Variants in SFMBT1 observed in about 807,000 individuals in gnomAD.
SFMBT1 encodes the protein scm-like with four MBT domains protein 1.
SFMBT1 carries 32 observed loss-of-function variants against 108.7 expected under a neutral mutation model. The observed-to-expected ratio is 0.29, with a 90% confidence interval of 0.22 to 0.40. The LOEUF is 0.40. Ranked by LOEUF, SFMBT1 falls within the 10% of genes least tolerant of loss-of-function variation. The pLI is 1.00. For synonymous variants in SFMBT1, 348 were observed against 369.5 expected, an observed-to-expected ratio of 0.94 and a Z score of 0.67; for missense variants, 816 against 1,059.6, an observed-to-expected ratio of 0.77 and a Z score of 3.19.
At chr3:52,976,967 C>T (rs1704540024) in intron 1 of SFMBT1, among the ~76,000 whole-genome samples, 1 of 152,126 alleles carries the variant, frequency 6.6e-6, no homozygotes, top group African/African-American at 2.4e-5. Context: ...TTCAGGAGCA[C>T]AAATGGATAT....
chr3:52,908,561 C>T (rs1702135427), intron 17 of SFMBT1, among the ~76,000 whole-genome samples: 1 of 152,048 alleles, frequency 6.6e-6, no homozygotes, highest in Admixed American at 6.6e-5. Context: ...TATTTCTGGA[C>T]CCTGTGGTCT....
Position 52,945,068 on chromosome 3 carries a change from T to C in SFMBT1, c.124-1475A>G, listed in dbSNP as rs1188261352. On this transcript the variant is annotated intron_variant, in intron 3 of 20. Transcript: ENST00000394752. Reference sequence around the variant, plus strand: ...ATCTGCCCATCTTGGCCTCCCAAAGTGCTGAGATTACAGTCATGAACCACT... The same window carrying C: ...ATCTGCCCATCTTGGCCTCCCAAAGCGCTGAGATTACAGTCATGAACCACT... Among the ~76,000 whole-genome samples, 13 of 145,260 alleles carry C rather than the reference T, an allele frequency of 8.9e-5. No individual in the cohort carries two copies. In the East Asian group the frequency reaches 2.2e-3, roughly 25 times the overall value.
intron 8 of SFMBT1, among the ~76,000 whole-genome samples, chr3:52,929,838 C>A (rs1380706760): frequency 6.6e-6 from 1 of 152,150 alleles, no homozygotes; most frequent in Non-Finnish European, 1.5e-5. Context: ...GCCTTGATAA[C>A]CTTACTTCTT....
chr3:52,979,377 T>A (rs1164666890), intron 1 of SFMBT1, among the ~76,000 whole-genome samples: 1 of 152,186 alleles, frequency 6.6e-6, no homozygotes, highest in Non-Finnish European at 1.5e-5. Flanking sequence ...TCCAAACAGG[T>A]GTTCCTAATC....
chr3:52,964,764 GGTA>G (rs1454060519), intron 2 of SFMBT1, among the ~76,000 whole-genome samples: 10 of 152,178 alleles, frequency 6.6e-5, no homozygotes, highest in African/African-American at 1.9e-4. Context: ...CTGTATCAAA[GGTA>G]CATGACGTCA....
intron 3 of SFMBT1, among the ~76,000 whole-genome samples, chr3:52,947,465 G>C (rs1365941534): frequency 6.6e-6 from 1 of 152,060 alleles, no homozygotes; most frequent in Non-Finnish European, 1.5e-5. Flanking sequence ...GTATCTTATT[G>C]TAATTTTAAT....
chr3:52,937,606 G>A (rs563980029), intron 4 of SFMBT1, among the ~76,000 whole-genome samples: 146 of 148,682 alleles, frequency 9.8e-4, no homozygotes, highest in African/African-American at 3.4e-3. Context: ...TTTTTGAGAC[G>A]GAGTCTTGCT....
In SFMBT1 at chr3:52,940,162, G is replaced by A. The variant is rs1034082795; in HGVS notation, c.364+3191C>T. 2.0e-5 allele frequency among the ~76,000 whole-genome samples: 3 copies of A among 152,242 alleles called. No individual in the cohort carries two copies. In the East Asian group the frequency reaches 5.8e-4, roughly 29 times the overall value. The stretch of plus-strand genomic sequence containing the variant: ...GTTAGGATGAGATGGTAGGCCAGGT[G>A]GCTTCATGTCTCTAGAGCTCTCTCT... On this transcript the variant is annotated intron_variant, in intron 4 of 20. Transcript: ENST00000394752.
intron 1 of SFMBT1, among the ~76,000 whole-genome samples, chr3:53,042,843 A>T (rs1700100685): frequency 6.6e-6 from 1 of 152,290 alleles, no homozygotes; most frequent in Non-Finnish European, 1.5e-5. Flanking sequence ...ATGTATCAAT[A>T]ATAGCTAAGT....
chr3:52,965,265 G>A (rs1056049395), intron 2 of SFMBT1, among the ~76,000 whole-genome samples: 17 of 150,902 alleles, frequency 1.1e-4, no homozygotes, highest in African/African-American at 4.1e-4. Flanking sequence ...AAGAAAGAAT[G>A]AGTAAAATTG....
intron 13 of SFMBT1, among the ~76,000 whole-genome samples, chr3:52,916,699 C>A (rs1213168249): frequency 0.013 from 1,936 of 146,752 alleles, 15 homozygotes; most frequent in Middle Eastern, 0.043. Context: ...ACAACAACAA[C>A]AACAACAAAA....
chr3:52,941,690 A>C (rs1344884298), intron 4 of SFMBT1, among the ~76,000 whole-genome samples: 1 of 151,328 alleles, frequency 6.6e-6, no homozygotes, highest in African/African-American at 2.4e-5. Flanking sequence ...TAAGACCAGC[A>C]GTTTGAGACT....
At chr3:52,982,660 C>T (rs1320932150) in intron 1 of SFMBT1, among the ~76,000 whole-genome samples, 3 of 133,898 alleles carry the variant, frequency 2.2e-5, no homozygotes, top group Non-Finnish European at 4.6e-5. Flanking sequence ...ACCCAGGAGG[C>T]GGAGGTTGAA....
At chr3:53,044,512 TCAA>T (rs2106985024) in intron 1 of SFMBT1, among the ~76,000 whole-genome samples, 1 of 152,270 alleles carries the variant, frequency 6.6e-6, no homozygotes. Flanking sequence ...AACAAATGCC[TCAA>T]AACGCTAGTC....
intron 1 of SFMBT1, among the ~76,000 whole-genome samples, 162 bp downstream of exon 1, chr3:53,045,654 T>C (rs1367825464): frequency 7.6e-6 from 1 of 131,668 alleles, no homozygotes; most frequent in Admixed American, 7.2e-5. Flanking sequence ...CGCCGCCCGT[T>C]GGCGCCTCAG....
At chr3:52,947,994 C>A (rs1190613325) in intron 3 of SFMBT1, among the ~76,000 whole-genome samples, 1 of 152,198 alleles carries the variant, frequency 6.6e-6, no homozygotes, top group East Asian at 1.9e-4. Flanking sequence ...CTCGGCCTCC[C>A]GAAGTGCTGG....
intron 4 of SFMBT1, among the ~76,000 whole-genome samples, chr3:52,936,358 C>T (rs1370261863): frequency 1.3e-5 from 2 of 152,226 alleles, no homozygotes; most frequent in Admixed American, 6.5e-5. Context: ...ATATTTACCA[C>T]CCTTTAAAAT....
chr3:52,983,999 G>C (rs1704816484), intron 1 of SFMBT1, among the ~76,000 whole-genome samples: 1 of 152,204 alleles, frequency 6.6e-6, no homozygotes, highest in African/African-American at 2.4e-5. Flanking sequence ...CCAAGTGAAA[G>C]GTGTTGGTGG....
chr3:53,009,760 A>T (rs1435463237), intron 1 of SFMBT1, among the ~76,000 whole-genome samples: 1 of 152,238 alleles, frequency 6.6e-6, no homozygotes, highest in African/African-American at 2.4e-5. Flanking sequence ...GTGGATTAAC[A>T]TGTTTTGTAT....
Sources: allele counts gnomAD v4.1 joint callset (sites outside exome capture counted in the v4.1 genomes callset), GRCh38; gene constraint gnomAD v4.1.1; transcripts MANE v1.5; gene names NCBI Gene and HGNC (gene_info 2026-07-23, HGNC 2026-07-21).